KLK1: variants seen among roughly 807,000 people sequenced by gnomAD.
KLK1 encodes the protein kallikrein 1.
KLK1 carries 22 observed loss-of-function variants against 23.3 expected under a neutral mutation model. That is an observed-to-expected ratio of 0.95 (90% CI 0.68 to 1.35). The LOEUF (loss-of-function observed/expected upper bound fraction) is 1.35, where lower values mean the gene tolerates loss of function less well. Among genes scored for constraint, KLK1 ranks in the 40% most tolerant of loss-of-function variants. The pLI, the probability that KLK1 is intolerant of heterozygous loss-of-function variation, is 0.00. For synonymous variants in KLK1, 140 were observed against 135.8 expected, an observed-to-expected ratio of 1.03 and a Z score of -0.21; for missense variants, 301 against 338.9, an observed-to-expected ratio of 0.89 and a Z score of 0.88.
chr19:50,820,645 A>C, intron 2 of KLK1: 1 of 513,636 alleles, frequency 1.9e-6, no homozygotes, highest in Non-Finnish European at 3.4e-6. Context: ...GCAAAAGGCA[A>C]ATGAAGAGAC....
At chr19:50,822,416 G>A (rs1366272734) in intron 1 of KLK1, 2 of 985,972 alleles carry the variant, frequency 2.0e-6, no homozygotes, top group Non-Finnish European at 2.4e-6. Context: ...CATCTGGACT[G>A]AAGAGTTTGG....
intron 1 of KLK1, among the ~76,000 whole-genome samples, chr19:50,823,282 A>G (rs939728525): frequency 6.6e-6 from 1 of 151,650 alleles, no homozygotes; most frequent in African/African-American, 2.4e-5. Flanking sequence ...CAGGAGCCAA[A>G]TAGGTGGCCG....
intron 1 of KLK1, 28 bp downstream of exon 1, chr19:50,823,675 C>T (rs2089843023): frequency 6.7e-7 from 1 of 1,502,318 alleles, no homozygotes; most frequent in Non-Finnish European, 9.2e-7. Context: ...GGGCCCGTTC[C>T]CCCTCCCACA....
At chr19:50,819,585 G>A (rs1219405201) in intron 4 of KLK1, among the ~76,000 whole-genome samples, 1 of 152,212 alleles carries the variant, frequency 6.6e-6, no homozygotes, top group African/African-American at 2.4e-5. Flanking sequence ...CAGGTTAGGG[G>A]GAGGAGGGGC....
rs146481116 is a variant in KLK1 at position 50,823,029 on chromosome 19, G to C, written c.46+674C>G. The C allele has an allele frequency of 1.6e-3, 692 of 434,108 alleles. 5 individuals are homozygous for C. Among genetic ancestry groups the C allele is most frequent in the African/African-American group, 0.013 (624 of 47,136 alleles). The allele number at this position is 434,108 out of a possible 1,614,324, so 26.9% of individuals were successfully genotyped here. A position where few individuals can be genotyped will look rare whatever the true frequency, so the allele number is the denominator to read the frequency against. ...AACTTCCCCAAGGAAAGGAGCATGTGGTGGGAGGGTGTGGTGTTTTTCCTG... is the reference window on the plus strand; with the variant it reads ...AACTTCCCCAAGGAAAGGAGCATGTCGTGGGAGGGTGTGGTGTTTTTCCTG... On this transcript the variant is annotated intron_variant, in intron 1 of 4. Transcript: ENST00000301420.
intron 1 of KLK1, among the ~76,000 whole-genome samples, chr19:50,823,166 G>A (rs564810878): frequency 7.2e-5 from 11 of 152,224 alleles, no homozygotes; most frequent in Non-Finnish European, 1.6e-4. Context: ...AAATTTGGGG[G>A]ACCCTGGAAG....
chr19:50,820,500 GCAGGGGAGC>G, intron 2 of KLK1, 57 bp from the exon 3 acceptor site: 1 of 943,840 alleles, frequency 1.1e-6, no homozygotes, highest in Non-Finnish European at 1.6e-6. Flanking sequence ...AGGGGATGGG[GCAGGGGAGC>G]ATGGGGGAGG....
intron 4 of KLK1, 79 bp downstream of exon 4, chr19:50,819,820 G>C: frequency 7.0e-7 from 1 of 1,423,608 alleles, no homozygotes; most frequent in Non-Finnish European, 9.7e-7. Flanking sequence ...GCAGATGCCT[G>C]GTTAGCTCTC....
chr19:50,821,993 G>A lies in KLK1; in HGVS notation c.47-122C>T. On this transcript the variant is annotated intron_variant, in intron 1 of 4. Transcript: ENST00000301420. The surrounding 1 kb of genome is among the most constrained non-coding windows in gnomAD (Gnocchi z 5.6). ...TTGCGGGTAGAGGACCAGGGCTGGA[G>A]GTTGGGGACATGGGCAAGGGGTGTT... 1.4e-6 allele frequency: 2 copies of A among 1,451,502 alleles called. No individual in the cohort carries two copies. The highest frequency in any genetic ancestry group is 1.8e-6 in the Non-Finnish European group (2 of 1,103,844). 89.9% of individuals were successfully genotyped at this position (1,451,502 alleles called of 1,614,324 possible).
At chr19:50,820,493 G>T in intron 2 of KLK1, 50 bp from the exon 3 acceptor site, 3 of 1,118,680 alleles carry the variant, frequency 2.7e-6, no homozygotes, top group East Asian at 2.5e-5. Flanking sequence ...GGGGAAAAGG[G>T]GATGGGGCAG....
At chr19:50,819,378 G>A (rs750600704) in intron 4 of KLK1, 29 bp from the exon 5 acceptor site, 1 of 1,588,270 alleles carries the variant, frequency 6.3e-7, no homozygotes. Context: ...AGGGGAGAGT[G>A]AGAAAGGTCT....
At position 50,820,395 on chromosome 19, in the gene KLK1, G is replaced by A; in HGVS notation, c.255C>T (p.Asn85=). Residue 85 remains asparagine (N), a synonymous_variant, in exon 3 of 5, where the codon AAC becomes AAT. Transcript: ENST00000301420. ...LGRHNLFDDE[N]TAQFVHVSES... ...CACTGACATGAACAAACTGGGCTGT[G>A]TTTTCGTCGTCAAACAAGTTGTGGC... 6.3e-7 allele frequency: 1 copy of A among 1,597,458 alleles called. No individual in the cohort carries two copies. Among genetic ancestry groups the A allele is most frequent in the Non-Finnish European group, 8.5e-7 (1 of 1,170,846 alleles).
chr19:50,822,433 C>T (rs923099824), intron 1 of KLK1: 1 of 985,426 alleles, frequency 1.0e-6, no homozygotes, highest in Non-Finnish European at 1.2e-6. Flanking sequence ...TTGGGGGTGA[C>T]TTGGGGTCCC....
At chr19:50,822,558 T>C (rs540973828) in intron 1 of KLK1, 119 of 984,956 alleles carry the variant, frequency 1.2e-4, no homozygotes, top group Middle Eastern at 5.2e-4. Flanking sequence ...TCCGAGAGGT[T>C]TTGGGGTCCT....
At chr19:50,823,585 C>T (rs775594351) in intron 1 of KLK1, 118 bp downstream of exon 1, 23 of 644,588 alleles carry the variant, frequency 3.6e-5, no homozygotes, top group Non-Finnish European at 5.4e-5. Flanking sequence ...CTAGGATAGA[C>T]TGTGGGCCAG....
intron 4 of KLK1, 48 bp from the exon 5 acceptor site, chr19:50,819,397 C>A (rs1260951246): frequency 1.3e-6 from 2 of 1,549,054 alleles, no homozygotes; most frequent in South Asian, 2.4e-5. Context: ...CTACGGGGCC[C>A]AAGTTCTGCC....
chr19:50,820,496 T>TGGGTAAAGGGGTTG, intron 2 of KLK1, 53 bp from the exon 3 acceptor site: 1 of 207,676 alleles, frequency 4.8e-6, no homozygotes, highest in Non-Finnish European at 8.9e-6. Context: ...GAAAAGGGGA[T>TGGGTAAAGGGGTTG]GGGGCAGGGG....
At chr19:50,822,654 G>C in intron 1 of KLK1, 2 of 973,950 alleles carry the variant, frequency 2.1e-6, no homozygotes, top group South Asian at 9.7e-5. Context: ...GGCTCAGGAG[G>C]AGGGAGGCGT....
chr19:50,823,693 A>G lies in KLK1; in HGVS notation c.46+10T>C. 2 of 1,551,666 alleles carry G rather than the reference A, an allele frequency of 1.3e-6. No individual in the cohort carries two copies. The highest frequency in any genetic ancestry group is 1.8e-6 in the Non-Finnish European group (2 of 1,129,986). ...CCCGTTCCCCCTCCCACATCCCCCC[A>G]CTGTCTCACCAGTCCCCCCCAGGGA... On this transcript the variant is annotated intron_variant, in intron 1 of 4. Transcript: ENST00000301420.
Sources: gnomAD v4.1 joint callset for allele counts (sites outside exome capture counted in the v4.1 genomes callset) on GRCh38, gnomAD v4.1.1 for gene constraint, Gnocchi (gnomAD v3.1) non-coding constraint, MANE v1.5 for transcripts, NCBI Gene and HGNC (gene_info 2026-07-23, HGNC 2026-07-21) for gene names.